The following CRPPA variants were observed in gnomAD, a reference collection of about 807,000 sequenced individuals.
CRPPA encodes CDP-L-ribitol pyrophosphorylase A.
In CRPPA, 43 loss-of-function variants were observed where a neutral mutation model predicts 52.0. That is an observed-to-expected ratio of 0.83 (90% CI 0.65 to 1.07). The LOEUF (loss-of-function observed/expected upper bound fraction) is 1.07, where lower values mean the gene tolerates loss of function less well. Among genes scored for constraint, CRPPA ranks in the 50% least tolerant of loss-of-function variants. The pLI is 0.00. For missense variants in CRPPA, 629 were observed against 551.7 expected, an observed-to-expected ratio of 1.14 and a Z score of -1.40; for synonymous variants, 250 against 203.5, an observed-to-expected ratio of 1.23 and a Z score of -1.94.
intron 3 of CRPPA, among the ~76,000 whole-genome samples, chr7:16,339,722 T>C (rs751494670): frequency 3.3e-5 from 5 of 152,152 alleles, no homozygotes; most frequent in Non-Finnish European, 7.4e-5. Context: ...AAGAAATAAG[T>C]ATTCTGATTG....
chr7:16,286,097 A>AAATATATATATATAT lies in CRPPA; in HGVS notation c.836-7872_836-7871insATATATATATATATT. ...TATATATATAATATTTAAAAAAAAA[A>AAATATATATATATAT]ATATATATATATATATATATGCCAA... On this transcript the variant is annotated intron_variant, in intron 5 of 9. Coordinates refer to ENST00000407010, the MANE Select transcript of CRPPA (RefSeq NM_001101426.4). Among the ~76,000 whole-genome samples, 47 of 39,114 alleles carry AAATATATATATATAT rather than the reference A, an allele frequency of 1.2e-3. 4 individuals are homozygous for AAATATATATATATAT. The highest frequency in any genetic ancestry group is 7.3e-3 in the African/African-American group (40 of 5,446). 25.7% of individuals were successfully genotyped at this position (39,114 alleles called of 152,430 possible).
intron 9 of CRPPA, among the ~76,000 whole-genome samples, chr7:16,154,024 T>C (rs1216065718): frequency 6.6e-6 from 1 of 150,900 alleles, no homozygotes; most frequent in African/African-American, 2.4e-5. Context: ...ACAAATTGTT[T>C]GTAATGGCTT....
intron 8 of CRPPA, among the ~76,000 whole-genome samples, chr7:16,219,567 G>C (rs1206896101): frequency 2.5e-5 from 3 of 119,744 alleles, no homozygotes; most frequent in Non-Finnish European, 3.5e-5. Context: ...AAGAAGAAAA[G>C]AGAGAAGAAT....
chr7:16,166,992 G>A (rs780621438), intron 9 of CRPPA, among the ~76,000 whole-genome samples: 5 of 149,740 alleles, frequency 3.3e-5, no homozygotes, highest in East Asian at 2.0e-4. Context: ...GCAGTGGTGC[G>A]ATCTCCACTC....
chr7:16,392,146 T>C (rs571662885), intron 2 of CRPPA, among the ~76,000 whole-genome samples: 99 of 152,164 alleles, frequency 6.5e-4, no homozygotes, highest in Non-Finnish European at 1.3e-3. Context: ...GTATTTTATT[T>C]CAGGCCCCTT....
intron 8 of CRPPA, among the ~76,000 whole-genome samples, chr7:16,242,359 C>A (rs1204123496): frequency 6.6e-6 from 1 of 152,080 alleles, no homozygotes; most frequent in Non-Finnish European, 1.5e-5. Flanking sequence ...AGAATGTTTT[C>A]ATCATTACTT....
In CRPPA at chr7:16,300,013, A is replaced by G. The variant is rs183367546; in HGVS notation, c.835+1408T>C. On this transcript the variant is annotated intron_variant, in intron 5 of 9. Transcript: ENST00000407010. ...TATATTTCCTTGTGTTGAGGACACG[A>G]CCGACCACATCATCATTCAGCCGAC... is the stretch of plus-strand genomic sequence containing the variant. 3.6e-3 allele frequency among the ~76,000 whole-genome samples: 552 copies of G among 152,332 alleles called. 5 individuals are homozygous for G. The highest frequency in any genetic ancestry group is 0.012 in the African/African-American group (519 of 41,572).
intron 9 of CRPPA, among the ~76,000 whole-genome samples, chr7:16,141,673 A>G (rs1029631476): frequency 6.6e-6 from 1 of 151,278 alleles, no homozygotes; most frequent in African/African-American, 2.5e-5. Context: ...ACTGCATAAG[A>G]CAAACTCAAG....
intron 8 of CRPPA, among the ~76,000 whole-genome samples, chr7:16,225,858 T>C (rs1782635692): frequency 6.6e-6 from 1 of 152,010 alleles, no homozygotes; most frequent in African/African-American, 2.4e-5. Context: ...CTGTTTTATG[T>C]ACCTACTTTT....
intron 3 of CRPPA, among the ~76,000 whole-genome samples, chr7:16,365,512 C>T (rs1312530108): frequency 1.3e-5 from 2 of 152,006 alleles, no homozygotes; most frequent in South Asian, 2.1e-4. Flanking sequence ...TCACAGGAGA[C>T]AGTGAATAAT....
In CRPPA at chr7:16,366,759, A is replaced by G. The variant is rs983617532; in HGVS notation, c.684+9333T>C. ...ATGAACCTACCTAGTAGAATAATTG[A>G]GAGAATTAAAAAAAAAAAGGCAAGA... On this transcript the variant is annotated intron_variant, in intron 3 of 9. Transcript: ENST00000407010. Among the ~76,000 whole-genome samples, 8 of 151,290 alleles carry G rather than the reference A, an allele frequency of 5.3e-5. No individual in the cohort carries two copies. In the South Asian group the frequency reaches 1.3e-3, roughly 24 times the overall value.
At chr7:16,401,640 C>T (rs968368559) in intron 2 of CRPPA, among the ~76,000 whole-genome samples, 10 of 152,292 alleles carry the variant, frequency 6.6e-5, no homozygotes, top group South Asian at 2.1e-4. Flanking sequence ...TAATATTTAA[C>T]GTGTTGGTCC....
chr7:16,387,060 T>TAC (rs1438340334), intron 2 of CRPPA, among the ~76,000 whole-genome samples: 1,795 of 82,818 alleles, frequency 0.022, 76 homozygotes, highest in African/African-American at 0.11. Flanking sequence ...TATATATATA[T>TAC]ATATATATAT....
chr7:16,293,880 C>G (rs1032290782), intron 5 of CRPPA, among the ~76,000 whole-genome samples: 1 of 151,862 alleles, frequency 6.6e-6, no homozygotes, highest in Non-Finnish European at 1.5e-5. Flanking sequence ...ATCTTGTCTC[C>G]GGCACATGTT....
chr7:16,132,551 AG>A lies in CRPPA; in HGVS notation c.1252-40753del, dbSNP rs1434568176. 4.8e-5 allele frequency among the ~76,000 whole-genome samples: 6 copies of A among 124,876 alleles called. 2 individuals are homozygous for A. Among genetic ancestry groups the A allele is most frequent in the Non-Finnish European group, 1.1e-4 (6 of 54,888 alleles). The allele number at this position is 124,876 out of a possible 152,430, so 81.9% of individuals were successfully genotyped here. The stretch of plus-strand genomic sequence containing the variant: ...TTAATGAGGTTAGAAAGAGGTAGAA[AG>A]TGGAAAAAGAGATTGAGTAAATGAT... On this transcript the variant is annotated intron_variant, in intron 9 of 9. Transcript: ENST00000407010.
chr7:16,235,248 T>C (rs1483638701), intron 8 of CRPPA, among the ~76,000 whole-genome samples: 7 of 152,042 alleles, frequency 4.6e-5, no homozygotes, highest in Non-Finnish European at 1.0e-4. Context: ...ACTGCATGCA[T>C]TTGAACATTT....
At chr7:16,377,836 G>A (rs935042408) in intron 2 of CRPPA, among the ~76,000 whole-genome samples, 4 of 152,160 alleles carry the variant, frequency 2.6e-5, no homozygotes, top group African/African-American at 4.8e-5. Context: ...ATGGCACAGA[G>A]GCTAAAATCT....
intron 2 of CRPPA, among the ~76,000 whole-genome samples, chr7:16,384,154 G>C (rs569612074): frequency 7.2e-5 from 11 of 152,140 alleles, no homozygotes; most frequent in African/African-American, 2.4e-4. Flanking sequence ...GCCGTGTTAG[G>C]GCCACTCATG....
At chr7:16,390,857 T>C (rs2128314822) in intron 2 of CRPPA, among the ~76,000 whole-genome samples, 1 of 152,324 alleles carries the variant, frequency 6.6e-6, no homozygotes, top group South Asian at 2.1e-4. Flanking sequence ...CAGGTCCTCC[T>C]GCAATTAACT....
Sources: allele counts gnomAD v4.1 joint callset (sites outside exome capture counted in the v4.1 genomes callset), GRCh38; gene constraint gnomAD v4.1.1; transcripts MANE v1.5; gene names NCBI Gene and HGNC (gene_info 2026-07-23, HGNC 2026-07-21).